NELL1: variants seen among roughly 807,000 people sequenced by gnomAD.
NELL1 encodes neural EGFL like 1, also known as protein kinase C-binding protein NELL1.
In NELL1, 76 loss-of-function variants were observed where a neutral mutation model predicts 107.4. The ratio of observed to expected loss-of-function variants is 0.71; its 90% CI spans 0.59 to 0.86. NELL1 has a LOEUF of 0.86. Ranked by LOEUF, NELL1 falls within the 40% of genes least tolerant of loss-of-function variation. The pLI is 0.00. For missense variants in NELL1, 1,024 were observed against 1,005.5 expected, an observed-to-expected ratio of 1.02 and a Z score of -0.25; for synonymous variants, 353 against 341.2, an observed-to-expected ratio of 1.03 and a Z score of -0.38.
chr11:21,312,129 T>C (rs1156906779), intron 14 of NELL1, among the ~76,000 whole-genome samples: 1 of 152,156 alleles, frequency 6.6e-6, no homozygotes, highest in African/African-American at 2.4e-5. Context: ...TGTTTGTAAG[T>C]TACTCTGTGT....
At chr11:20,844,064 G>T (rs1184493428) in intron 3 of NELL1, among the ~76,000 whole-genome samples, 1 of 152,170 alleles carries the variant, frequency 6.6e-6, no homozygotes, top group Non-Finnish European at 1.5e-5. Flanking sequence ...GTCAGTGTAG[G>T]CGTAGTTGTG....
intron 12 of NELL1, among the ~76,000 whole-genome samples, chr11:20,995,486 G>A (rs1452574541): frequency 1.3e-5 from 2 of 152,066 alleles, no homozygotes; most frequent in Non-Finnish European, 2.9e-5. Context: ...GCTGAGGCAG[G>A]AGAATTGCTT....
At chr11:21,347,672 A>T (rs1380588040) in intron 14 of NELL1, among the ~76,000 whole-genome samples, 1 of 152,190 alleles carries the variant, frequency 6.6e-6, no homozygotes, top group Non-Finnish European at 1.5e-5. Flanking sequence ...TTTTCTTAAG[A>T]TCTTCAATTT....
At chr11:21,419,432 C>G (rs184202768) in intron 15 of NELL1, among the ~76,000 whole-genome samples, 48 of 152,188 alleles carry the variant, frequency 3.2e-4, no homozygotes, top group Admixed American at 2.6e-3. Flanking sequence ...AAAGAAACTT[C>G]TAAGTTGTAG....
chr11:21,330,210 A>C (rs9919528), intron 14 of NELL1, among the ~76,000 whole-genome samples: 1 of 151,886 alleles, frequency 6.6e-6, no homozygotes, highest in East Asian at 1.9e-4. Context: ...AACAATACAA[A>C]TGCATACACA....
At chr11:20,702,347 G>C (rs907774929) in intron 2 of NELL1, among the ~76,000 whole-genome samples, 5 of 152,114 alleles carry the variant, frequency 3.3e-5, no homozygotes, top group African/African-American at 1.2e-4. Context: ...TGTGATTTTT[G>C]CACATTGATT....
intron 15 of NELL1, among the ~76,000 whole-genome samples, chr11:21,439,764 ATTC>A (rs1853230925): frequency 6.6e-6 from 1 of 152,084 alleles, no homozygotes; most frequent in African/African-American, 2.4e-5. Context: ...CATCTATTTA[ATTC>A]TTTAAGGAAG....
intron 15 of NELL1, among the ~76,000 whole-genome samples, chr11:21,467,192 A>G (rs981380755): frequency 1.3e-5 from 2 of 152,210 alleles, no homozygotes; most frequent in African/African-American, 4.8e-5. Context: ...TGCAGATCCC[A>G]TACTTACTAA....
At chr11:21,487,909 A>G (rs1207346576) in intron 15 of NELL1, among the ~76,000 whole-genome samples, 2 of 152,210 alleles carry the variant, frequency 1.3e-5, no homozygotes, top group Non-Finnish European at 2.9e-5. Context: ...CAGACTTTAC[A>G]TCAAAAACAA....
At chr11:21,170,686 AGT>A (rs60739944) in intron 13 of NELL1, among the ~76,000 whole-genome samples, 3 of 144,836 alleles carry the variant, frequency 2.1e-5, no homozygotes, top group African/African-American at 7.6e-5. Context: ...TATATACTGT[AGT>A]TTATATATAT....
At chr11:21,222,506 AT>A (rs1857784940) in intron 13 of NELL1, among the ~76,000 whole-genome samples, 1 of 151,792 alleles carries the variant, frequency 6.6e-6, no homozygotes, top group South Asian at 2.1e-4. Flanking sequence ...GATCTTTTGT[AT>A]TGTTTAAGTC....
At chr11:21,123,990 G>A (rs1855430919) in intron 13 of NELL1, among the ~76,000 whole-genome samples, 1 of 151,990 alleles carries the variant, frequency 6.6e-6, no homozygotes, top group Admixed American at 6.6e-5. Context: ...GAATACATAT[G>A]CACATACACA....
At chr11:21,309,343 A>C (rs1332983772) in intron 14 of NELL1, among the ~76,000 whole-genome samples, 3 of 144,142 alleles carry the variant, frequency 2.1e-5, no homozygotes, top group African/African-American at 7.6e-5. Context: ...AATATGAATA[A>C]ACTTTCTATC....
intron 13 of NELL1, among the ~76,000 whole-genome samples, chr11:21,133,430 C>T (rs994562109): frequency 3.9e-5 from 6 of 152,170 alleles, no homozygotes; most frequent in South Asian, 4.1e-4. Context: ...ACCCAGGAGC[C>T]TGTCTGCCTC....
chr11:21,544,673 A>G (rs1235752363), intron 16 of NELL1, among the ~76,000 whole-genome samples: 1 of 151,956 alleles, frequency 6.6e-6, no homozygotes, highest in East Asian at 1.9e-4. Flanking sequence ...TCTCTATTTA[A>G]TGGACAAAGA....
At chr11:21,071,927 A>C (rs1854024972) in intron 12 of NELL1, among the ~76,000 whole-genome samples, 1 of 152,002 alleles carries the variant, frequency 6.6e-6, no homozygotes, top group Non-Finnish European at 1.5e-5. Context: ...ATCTCTGATG[A>C]CTCACTTTGT....
chr11:21,365,441 C>T (rs565943966), intron 14 of NELL1, among the ~76,000 whole-genome samples: 5 of 152,200 alleles, frequency 3.3e-5, no homozygotes, highest in African/African-American at 9.6e-5. Flanking sequence ...TATGATTAAT[C>T]GACAGTGTTA....
chr11:20,850,888 C>G (rs1306564119), intron 4 of NELL1, among the ~76,000 whole-genome samples: 1 of 152,098 alleles, frequency 6.6e-6, no homozygotes, highest in Non-Finnish European at 1.5e-5. Flanking sequence ...TTACTAGATG[C>G]ATTTTGCATA....
At chr11:21,492,739 C>G (rs2133918861) in intron 15 of NELL1, among the ~76,000 whole-genome samples, 1 of 104,424 alleles carries the variant, frequency 9.6e-6, no homozygotes, top group East Asian at 2.9e-4. Flanking sequence ...ACTCTGGGGA[C>G]TGTTGTGGGG....
Sources: allele counts gnomAD v4.1 joint callset (sites outside exome capture counted in the v4.1 genomes callset), GRCh38; gene constraint gnomAD v4.1.1; transcripts MANE v1.5; gene names NCBI Gene and HGNC (gene_info 2026-07-23, HGNC 2026-07-21).